PLCB4: variants seen among roughly 807,000 people sequenced by gnomAD.
PLCB4 encodes the protein 1-phosphatidylinositol 4,5-bisphosphate phosphodiesterase beta-4.
PLCB4 carries 77 observed loss-of-function variants against 178.8 expected under a neutral mutation model. The ratio of observed to expected loss-of-function variants is 0.43; its 90% CI spans 0.36 to 0.52. The LOEUF (loss-of-function observed/expected upper bound fraction) is 0.52. PLCB4 is among the 20% of genes least tolerant of loss of function. The pLI, the probability that PLCB4 is intolerant of heterozygous loss-of-function variation, is 0.00. For synonymous variants in PLCB4, 496 were observed against 490.8 expected (o/e 1.01, Z -0.14); for missense variants, 1,024 against 1,453.4 (o/e 0.70, Z 4.80).
chr20:9,187,195 A>T (rs1478864940), intron 2 of PLCB4, among the ~76,000 whole-genome samples: 2 of 151,858 alleles, frequency 1.3e-5, no homozygotes, highest in Non-Finnish European at 2.9e-5. Flanking sequence ...GGCTGGTCTC[A>T]AACTCCTGAC....
At chr20:9,357,102 A>G (rs1192040279) in intron 7 of PLCB4, among the ~76,000 whole-genome samples, 4 of 152,192 alleles carry the variant, frequency 2.6e-5, no homozygotes, top group Non-Finnish European at 5.9e-5. Flanking sequence ...GGGCAACAGA[A>G]CAAAACCCTG....
At chr20:9,186,562 T>A (rs1166468261) in intron 2 of PLCB4, among the ~76,000 whole-genome samples, 2 of 152,208 alleles carry the variant, frequency 1.3e-5, no homozygotes, top group African/African-American at 4.8e-5. Context: ...CCCGAGGTCA[T>A]GGCATCCAGT....
chr20:9,094,652 C>T (rs1021637874), intron 1 of PLCB4, among the ~76,000 whole-genome samples: 2 of 152,174 alleles, frequency 1.3e-5, no homozygotes, highest in East Asian at 1.9e-4. Flanking sequence ...TACTCCTCCC[C>T]ATCAGTGACC....
chr20:9,289,155 A>AAT (rs929474794), intron 3 of PLCB4, among the ~76,000 whole-genome samples: 12 of 152,138 alleles, frequency 7.9e-5, no homozygotes, highest in Non-Finnish European at 1.5e-5. Flanking sequence ...TAGAAATAAA[A>AAT]ATATATATAC....
chr20:9,130,094 G>A (rs142160497), intron 2 of PLCB4, among the ~76,000 whole-genome samples: 159 of 152,202 alleles, frequency 1.0e-3, no homozygotes, highest in Non-Finnish European at 1.7e-3. Flanking sequence ...TACTAGAGCT[G>A]CTACTCAAGA....
intron 2 of PLCB4, among the ~76,000 whole-genome samples, chr20:9,116,556 G>A (rs1347864633): frequency 6.6e-6 from 1 of 152,156 alleles, no homozygotes; most frequent in Non-Finnish European, 1.5e-5. Flanking sequence ...CATAGAATTG[G>A]TGCAGACATC....
At chr20:9,248,498 A>G (rs1454157814) in intron 3 of PLCB4, among the ~76,000 whole-genome samples, 1 of 152,238 alleles carries the variant, frequency 6.6e-6, no homozygotes, top group Non-Finnish European at 1.5e-5. Context: ...TGGAGCATAC[A>G]TAGTGTTTTG....
At chr20:9,476,594 T>G in intron 38 of PLCB4, 123 bp from the exon 39 acceptor site, 3 of 679,366 alleles carry the variant, frequency 4.4e-6, no homozygotes, top group Non-Finnish European at 5.3e-6. Flanking sequence ...TGTTTTATCC[T>G]TAGCTTTTTG....
chr20:9,097,232 C>CT (rs544568591), intron 2 of PLCB4, among the ~76,000 whole-genome samples: 11,488 of 80,516 alleles, frequency 0.14, 695 homozygotes, highest in East Asian at 0.23. Context: ...ACAGCCTGGC[C>CT]TTTTTTTTTT....
intron 2 of PLCB4, among the ~76,000 whole-genome samples, chr20:9,116,726 A>G (rs1317173012): frequency 6.6e-6 from 1 of 152,210 alleles, no homozygotes; most frequent in Non-Finnish European, 1.5e-5. Flanking sequence ...GTTCCATGAA[A>G]AAAAATCCCA....
At chr20:9,127,567 G>A (rs2146790277) in intron 2 of PLCB4, among the ~76,000 whole-genome samples, 1 of 151,878 alleles carries the variant, frequency 6.6e-6, no homozygotes, top group South Asian at 2.1e-4. Flanking sequence ...TCTTTGAGTG[G>A]GTTGTTAGAC....
Position 9,385,781 on chromosome 20 carries a change from G to A in PLCB4, c.1064+1370G>A, listed in dbSNP as rs550051023. Among the ~76,000 whole-genome samples the A allele has an allele frequency of 1.8e-4, 27 of 150,568 alleles. No homozygotes were observed. In the East Asian group the frequency reaches 1.8e-3, roughly 10 times the overall value. On this transcript the variant is annotated intron_variant, in intron 14 of 39. Transcript: ENST00000378473. ...TCCTCGCTTCCCAGACGGGGCAGCC[G>A]GGCAGAGGGGCTCCCCACATCCCAG...
chr20:9,084,598 A>G (rs2090313748), intron 1 of PLCB4, among the ~76,000 whole-genome samples: 1 of 151,900 alleles, frequency 6.6e-6, no homozygotes, highest in African/African-American at 2.4e-5. Flanking sequence ...TCAGGAAAAA[A>G]CCCAGCAGCA....
At chr20:9,391,305 A>G (rs2038121668) in intron 17 of PLCB4, among the ~76,000 whole-genome samples, 1 of 152,166 alleles carries the variant, frequency 6.6e-6, no homozygotes, top group African/African-American at 2.4e-5. Flanking sequence ...CTAGAGAGTT[A>G]ATCACATTTT....
chr20:9,279,920 C>A (rs529910493), intron 3 of PLCB4, among the ~76,000 whole-genome samples: 23 of 152,040 alleles, frequency 1.5e-4, no homozygotes, highest in Admixed American at 5.2e-4. Context: ...CATTTAATGG[C>A]CTTATACTGT....
chr20:9,354,080 G>T (rs2034573660), intron 7 of PLCB4, among the ~76,000 whole-genome samples: 2 of 152,148 alleles, frequency 1.3e-5, no homozygotes, highest in African/African-American at 4.8e-5. Flanking sequence ...GAAATCACCA[G>T]CTCCTGAATT....
chr20:9,229,365 A>G (rs2093906060), intron 3 of PLCB4, among the ~76,000 whole-genome samples: 1 of 152,122 alleles, frequency 6.6e-6, no homozygotes, highest in Non-Finnish European at 1.5e-5. Flanking sequence ...TTTAGCCACT[A>G]AAATTGATTC....
chr20:9,364,469 T>C (rs2035608109), intron 8 of PLCB4, among the ~76,000 whole-genome samples: 1 of 152,190 alleles, frequency 6.6e-6, no homozygotes. Context: ...TGGAAGATTA[T>C]ACTCTTCCCT....
At chr20:9,401,768 AG>A in intron 20 of PLCB4, among the ~76,000 whole-genome samples, 178 bp downstream of exon 20, 1 of 152,344 alleles carries the variant, frequency 6.6e-6, no homozygotes, top group Non-Finnish European at 1.5e-5. Context: ...TAAATTTAAA[AG>A]GACATTTAAA....
Sources: gnomAD v4.1 joint callset for allele counts (sites outside exome capture counted in the v4.1 genomes callset) on GRCh38, gnomAD v4.1.1 for gene constraint, MANE v1.5 for transcripts, NCBI Gene and HGNC (gene_info 2026-07-23, HGNC 2026-07-21) for gene names.